The following NFATC1 variants were observed in gnomAD, a reference collection of about 807,000 sequenced individuals.
NFATC1 encodes the protein nuclear factor of activated T cells 1, also known as nuclear factor of activated T-cells, cytoplasmic 1.
In NFATC1, 22 loss-of-function variants were observed where a neutral mutation model predicts 76.0. The ratio of observed to expected loss-of-function variants is 0.29; its 90% confidence interval spans 0.21 to 0.41. NFATC1 has a LOEUF of 0.41. Ranked by LOEUF, NFATC1 falls within the 10% of genes least tolerant of loss-of-function variation. The probability of loss-of-function intolerance (pLI) is 1.00; values close to 1 mark genes in which losing one functional copy is unlikely to be tolerated. For synonymous variants in NFATC1, 704 were observed against 613.1 expected (o/e 1.15, Z -2.19); for missense variants, 1,357 against 1,337.7 (o/e 1.01, Z -0.23).
chr18:79,396,655 G>C (rs1025762907), intron 1 of NFATC1, among the ~76,000 whole-genome samples: 1 of 152,204 alleles, frequency 6.6e-6, no homozygotes, highest in East Asian at 1.9e-4. Flanking sequence ...ATTTGGGGAC[G>C]GGCGAGGCTG....
rs541589911 is a variant in NFATC1, at chr18:79,448,717, G to A, written c.1387-65G>A. ...CGAACCCGCCGCAGGTTTTCTCTGC[G>A]TTCCGGTGACTCCCGGCGGTCTGTG... On this transcript the variant is annotated intron_variant, in intron 3 of 9. Coordinates refer to ENST00000427363, the MANE Select transcript of NFATC1 (RefSeq NM_001278669.2). The A allele has an allele frequency of 1.2e-4, 188 of 1,541,696 alleles. 1 individual carries two copies. The Admixed American group carries it at 2.9e-3, about 24-fold the overall frequency.
chr18:79,519,061 C>T (rs1418849061), intron 9 of NFATC1, among the ~76,000 whole-genome samples: 2 of 152,220 alleles, frequency 1.3e-5, no homozygotes, highest in African/African-American at 4.8e-5. Flanking sequence ...CTTCCAGGCT[C>T]CCTTTTGCTA....
At chr18:79,469,942 C>T (rs2088707887) in intron 8 of NFATC1, 1 of 985,454 alleles carries the variant, frequency 1.0e-6, no homozygotes, top group African/African-American at 1.7e-5. Flanking sequence ...GCGAGATCCC[C>T]AGTGTTGACG....
chr18:79,399,980 C>G (rs1016364151), intron 1 of NFATC1, among the ~76,000 whole-genome samples: 1 of 148,504 alleles, frequency 6.7e-6, no homozygotes, highest in African/African-American at 2.5e-5. Context: ...AAAAAAAAAA[C>G]TTAAAAAAAA....
chr18:79,402,585 A>G (rs2085304940), intron 1 of NFATC1, among the ~76,000 whole-genome samples: 1 of 152,116 alleles, frequency 6.6e-6, no homozygotes, highest in African/African-American at 2.4e-5. Context: ...TTGCCCCTCC[A>G]GAGACCACCG....
intron 3 of NFATC1, among the ~76,000 whole-genome samples, chr18:79,446,593 G>T (rs776048687): frequency 1.6e-4 from 24 of 152,110 alleles, no homozygotes; most frequent in Non-Finnish European, 2.5e-4. Context: ...TCATTAACTT[G>T]GCAAACGGCT....
At chr18:79,433,027 G>A (rs369358350) in intron 2 of NFATC1, among the ~76,000 whole-genome samples, 1 of 152,176 alleles carries the variant, frequency 6.6e-6, no homozygotes, top group Non-Finnish European at 1.5e-5. Context: ...TGCTCCCACC[G>A]CCCTCCATGG....
At chr18:79,503,018 A>G (rs1404654116) in intron 9 of NFATC1, among the ~76,000 whole-genome samples, 1 of 152,256 alleles carries the variant, frequency 6.6e-6, no homozygotes, top group Non-Finnish European at 1.5e-5. Context: ...AGGCTTGTAC[A>G]TGACTGTCCT....
chr18:79,451,362 G>T (rs2087466074), intron 5 of NFATC1, among the ~76,000 whole-genome samples: 1 of 152,276 alleles, frequency 6.6e-6, no homozygotes. Context: ...GCCAGGGAAA[G>T]CGGTGTGGGC....
intron 8 of NFATC1, among the ~76,000 whole-genome samples, chr18:79,472,410 C>T (rs939540674): frequency 6.6e-6 from 1 of 152,230 alleles, no homozygotes; most frequent in African/African-American, 2.4e-5. Flanking sequence ...ACCTCCATGC[C>T]CTTCTGCTCA....
chr18:79,413,358 G>C (rs2085764539), intron 2 of NFATC1, among the ~76,000 whole-genome samples: 1 of 152,230 alleles, frequency 6.6e-6, no homozygotes, highest in Non-Finnish European at 1.5e-5. Flanking sequence ...GGGGTCCTGA[G>C]ACTGGAAGCC....
chr18:79,414,975 A>G (rs1236803487), intron 2 of NFATC1, among the ~76,000 whole-genome samples: 1 of 152,222 alleles, frequency 6.6e-6, no homozygotes, highest in Non-Finnish European at 1.5e-5. Context: ...ATTGACCGAC[A>G]GGAACTAAAG....
intron 3 of NFATC1, among the ~76,000 whole-genome samples, chr18:79,446,931 G>C (rs1012369078): frequency 6.6e-6 from 1 of 152,192 alleles, no homozygotes; most frequent in African/African-American, 2.4e-5. Flanking sequence ...ACGCCCCTTC[G>C]ATGTCTCAGC....
intron 6 of NFATC1, among the ~76,000 whole-genome samples, chr18:79,457,777 G>C (rs1042298986): frequency 3.3e-5 from 5 of 152,002 alleles, no homozygotes; most frequent in African/African-American, 1.2e-4. Context: ...GCCTGGTCTG[G>C]CTGCTCCCTG....
intron 1 of NFATC1, among the ~76,000 whole-genome samples, chr18:79,401,172 T>C (rs1233632085): frequency 3.3e-5 from 5 of 150,254 alleles, no homozygotes; most frequent in Admixed American, 1.3e-4. Context: ...CCTCTCCCGC[T>C]GCCCGGGATC....
chr18:79,488,250 GT>G (rs1569024239), intron 9 of NFATC1, among the ~76,000 whole-genome samples: 1 of 130,750 alleles, frequency 7.6e-6, no homozygotes, highest in African/African-American at 4.6e-5. Context: ...CACAGCCCTG[GT>G]GTGTGTGTGT....
chr18:79,473,295 G>C (rs2088860443), intron 8 of NFATC1, among the ~76,000 whole-genome samples: 1 of 152,264 alleles, frequency 6.6e-6, no homozygotes, highest in Non-Finnish European at 1.5e-5. Context: ...ACCACCTGAG[G>C]GAGACAGCTT....
At chr18:79,471,462 G>A (rs1036219039) in intron 8 of NFATC1, among the ~76,000 whole-genome samples, 1 of 152,150 alleles carries the variant, frequency 6.6e-6, no homozygotes. Context: ...TTTTTTAAAC[G>A]AGAAAATAAA....
chr18:79,460,949 C>T (rs1312112058), intron 6 of NFATC1, among the ~76,000 whole-genome samples: 2 of 152,208 alleles, frequency 1.3e-5, no homozygotes, highest in African/African-American at 2.4e-5. Flanking sequence ...CATAGAGACC[C>T]TCCCGTGACC....
Sources: gnomAD v4.1 joint callset for allele counts (sites outside exome capture counted in the v4.1 genomes callset) on GRCh38, gnomAD v4.1.1 for gene constraint, MANE v1.5 for transcripts, NCBI Gene and HGNC (gene_info 2026-07-23, HGNC 2026-07-21) for gene names.